The following NRG1 variants were observed in gnomAD, a reference collection of about 807,000 sequenced individuals.
The protein encoded by NRG1 is pro-neuregulin-1, membrane-bound isoform.
NRG1 carries 18 observed loss-of-function variants against 63.8 expected under a neutral mutation model. That is an observed-to-expected ratio of 0.28 (90% CI 0.19 to 0.42). The LOEUF is 0.42. NRG1 is among the 10% of genes least tolerant of loss of function. The probability of loss-of-function intolerance (pLI) is 1.00; values close to 1 mark genes in which losing one functional copy is unlikely to be tolerated. For synonymous variants in NRG1, 302 were observed against 301.3 expected (o/e 1.00, Z -0.02); for missense variants, 762 against 814.7 (o/e 0.94, Z 0.79).
intron 1 of NRG1, among the ~76,000 whole-genome samples, chr8:32,138,322 C>G (rs1835810463): frequency 6.6e-6 from 1 of 151,860 alleles, no homozygotes. Flanking sequence ...AGCCCAACAC[C>G]CAAGGAAGGC....
At chr8:32,548,786 C>G (rs1833468303) in exon 1 of NRG1, 2 of 1,587,460 alleles carry the variant, frequency 1.3e-6, no homozygotes, top group Non-Finnish European at 1.7e-6. Context: ...AGCGAGGCTC[C>G]GGCAAGAAGC....
chr8:32,548,461 T>A lies in NRG1; in HGVS notation c.-266T>A, dbSNP rs7820838. On this transcript the variant is annotated 5_prime_UTR_variant, in exon 1 of 12. Transcript: ENST00000356819. ...AGGCCAGGACGCGAGCCGCCAGCGG[T>A]GGGACCCATCGACGACTTCCCGGGG... The A allele has an allele frequency of 2.8e-5, 33 of 1,170,622 alleles. 1 individual carries two copies. Among genetic ancestry groups the A allele is most frequent in the Middle Eastern group, 3.5e-4 (1 of 2,882 alleles). The allele number at this position is 1,170,622 out of a possible 1,614,324, so 72.5% of individuals were successfully genotyped here. A position where few individuals can be genotyped will look rare whatever the true frequency, so the allele number is the denominator to read the frequency against.
intron 5 of NRG1, among the ~76,000 whole-genome samples, chr8:32,678,436 A>G (rs886797396): frequency 2.6e-5 from 4 of 152,216 alleles, no homozygotes; most frequent in African/African-American, 9.6e-5. Flanking sequence ...CCTACCTAAC[A>G]TAGACTTTTT....
chr8:31,925,804 C>T (rs1009951825), intron 1 of NRG1, among the ~76,000 whole-genome samples: 8 of 152,088 alleles, frequency 5.3e-5, no homozygotes, highest in African/African-American at 1.9e-4. Context: ...CCACTTTATT[C>T]TTTATCATTG....
intron 1 of NRG1, among the ~76,000 whole-genome samples, chr8:32,098,425 A>G (rs2131333827): frequency 6.6e-6 from 1 of 152,340 alleles, no homozygotes; most frequent in South Asian, 2.1e-4. Flanking sequence ...TCTCAGAAAT[A>G]ACGGCTTGGT....
At chr8:31,911,262 C>A (rs1408560804) in intron 1 of NRG1, among the ~76,000 whole-genome samples, 1 of 152,132 alleles carries the variant, frequency 6.6e-6, no homozygotes, top group African/African-American at 2.4e-5. Flanking sequence ...ATGAATCATT[C>A]TATCATAAAG....
chr8:32,191,919 A>G (rs1195689469), intron 1 of NRG1: 2 of 152,272 alleles, frequency 1.3e-5, no homozygotes, highest in Non-Finnish European at 2.9e-5. Context: ...ATCTTCCACC[A>G]TCAGAGTCAT....
chr8:32,469,184 T>C (rs1823459515), intron 1 of NRG1, among the ~76,000 whole-genome samples: 1 of 152,152 alleles, frequency 6.6e-6, no homozygotes, highest in South Asian at 2.1e-4. Flanking sequence ...TGAGAAGTGA[T>C]ATAACAGTCA....
At chr8:32,321,377 C>T (rs1801359164) in intron 1 of NRG1, among the ~76,000 whole-genome samples, 2 of 151,802 alleles carry the variant, frequency 1.3e-5, no homozygotes, top group Non-Finnish European at 2.9e-5. Flanking sequence ...ACATGTGTTA[C>T]CTCTTTATGT....
chr8:32,761,597 T>C (rs1830678852), intron 11 of NRG1, among the ~76,000 whole-genome samples: 1 of 151,320 alleles, frequency 6.6e-6, no homozygotes, highest in African/African-American at 2.4e-5. Context: ...TTTTATTTTA[T>C]TTTATTTTAT....
chr8:32,737,851 A>G (rs981386018), intron 6 of NRG1, among the ~76,000 whole-genome samples: 1 of 151,322 alleles, frequency 6.6e-6, no homozygotes, highest in Non-Finnish European at 1.5e-5. Flanking sequence ...CAGTTTTTTT[A>G]TTTTTGATAG....
At chr8:32,237,601 G>A (rs2129469451) in intron 1 of NRG1, among the ~76,000 whole-genome samples, 1 of 152,212 alleles carries the variant, frequency 6.6e-6, no homozygotes, top group African/African-American at 2.4e-5. Context: ...AGATAAGTAT[G>A]TAAGTCTTTT....
At chr8:32,086,836 A>G (rs1307064974) in intron 1 of NRG1, among the ~76,000 whole-genome samples, 2 of 152,202 alleles carry the variant, frequency 1.3e-5, no homozygotes, top group Non-Finnish European at 2.9e-5. Flanking sequence ...ACATTTTTAT[A>G]TGGGAAGAAA....
chr8:32,183,193 C>T (rs547523117), intron 1 of NRG1, among the ~76,000 whole-genome samples: 59 of 152,230 alleles, frequency 3.9e-4, no homozygotes, highest in South Asian at 1.4e-3. Context: ...GTAGAACGTG[C>T]GTTCTAACTG....
At chr8:32,515,518 C>A (rs575226667) in intron 1 of NRG1, among the ~76,000 whole-genome samples, 6 of 152,086 alleles carry the variant, frequency 3.9e-5, no homozygotes, top group African/African-American at 1.4e-4. Flanking sequence ...GTGATCAGCT[C>A]ACTGCAGCCT....
chr8:32,283,826 C>T (rs979672778), intron 1 of NRG1, among the ~76,000 whole-genome samples: 10 of 152,158 alleles, frequency 6.6e-5, no homozygotes, highest in African/African-American at 2.2e-4. Context: ...ATGGCCTGAG[C>T]TGAAATTAAT....
chr8:32,433,352 T>G (rs1818398997), intron 1 of NRG1, among the ~76,000 whole-genome samples: 1 of 152,150 alleles, frequency 6.6e-6, no homozygotes, highest in Non-Finnish European at 1.5e-5. Flanking sequence ...AGATTATGGA[T>G]AGCAGGCTCC....
intron 1 of NRG1, among the ~76,000 whole-genome samples, chr8:32,297,813 A>T (rs1284639847): frequency 6.6e-6 from 1 of 152,218 alleles, no homozygotes; most frequent in Non-Finnish European, 1.5e-5. Flanking sequence ...AAATATCTGT[A>T]AGGATAAGGC....
intron 1 of NRG1, among the ~76,000 whole-genome samples, chr8:31,778,140 C>A (rs1819328423): frequency 6.6e-6 from 1 of 152,180 alleles, no homozygotes; most frequent in African/African-American, 2.4e-5. Context: ...TTATGGTTTA[C>A]AAAGCATATT....
Sources: gnomAD v4.1 joint callset for allele counts (sites outside exome capture counted in the v4.1 genomes callset) on GRCh38, gnomAD v4.1.1 for gene constraint, MANE v1.5 for transcripts, NCBI Gene and HGNC (gene_info 2026-07-23, HGNC 2026-07-21) for gene names.